SLC9C2: variants seen among roughly 807,000 people sequenced by gnomAD.
SLC9C2 encodes solute carrier family 9 member C2 (putative), also known as sodium/hydrogen exchanger 11.
In SLC9C2, 75 loss-of-function variants were observed where a neutral mutation model predicts 140.2. That is an observed-to-expected ratio of 0.53 (90% CI 0.44 to 0.65). SLC9C2 has a LOEUF of 0.65. SLC9C2 is among the 30% of genes least tolerant of loss of function. SLC9C2 has a pLI of 0.00. For synonymous variants in SLC9C2, 375 were observed against 420.9 expected, an observed-to-expected ratio of 0.89 and a Z score of 1.34; for missense variants, 1,074 against 1,331.8, an observed-to-expected ratio of 0.81 and a Z score of 3.01.
rs1488587045 is a variant in SLC9C2 at position 173,602,921 on chromosome 1, C to G, written c.-250G>C. On this transcript the variant is annotated 5_prime_UTR_variant, in exon 1 of 28. Transcript: ENST00000367714. ...CTCCTGCTATCCTCACATGTAATGA[C>G]CCTCAAATTAAGTTCTACAAATTAC... The G allele has an allele frequency of 6.6e-6, 1 of 152,174 alleles. No individual in the cohort carries two copies. Among genetic ancestry groups the G allele is most frequent in the East Asian group, 1.9e-4 (1 of 5,200 alleles). 9.4% of individuals were successfully genotyped at this position (152,174 alleles called of 1,614,324 possible).
chr1:173,589,987 A>C (rs1666064578), intron 4 of SLC9C2, among the ~76,000 whole-genome samples: 1 of 152,212 alleles, frequency 6.6e-6, no homozygotes, highest in Non-Finnish European at 1.5e-5. Context: ...TCACTCCTAC[A>C]ATCCCAGCAC....
At chr1:173,551,313 A>T (rs1291604414) in intron 11 of SLC9C2, among the ~76,000 whole-genome samples, 1 of 152,166 alleles carries the variant, frequency 6.6e-6, no homozygotes, top group Non-Finnish European at 1.5e-5. Flanking sequence ...TGGTCACAAA[A>T]ATTTCAGACA....
intron 23 of SLC9C2, among the ~76,000 whole-genome samples, chr1:173,513,059 T>C (rs1660161158): frequency 6.6e-6 from 1 of 152,256 alleles, no homozygotes; most frequent in African/African-American, 2.4e-5. Flanking sequence ...TGCCAGCATT[T>C]TATTAAGGAT....
rs777295524 is a variant in SLC9C2 at position 173,554,745 on chromosome 1, C to T, written c.1285G>A (p.Ala429Thr). The T allele has an allele frequency of 2.5e-6, 4 of 1,604,996 alleles. No homozygotes were observed. Among genetic ancestry groups the T allele is most frequent in the Non-Finnish European group, 2.6e-6 (3 of 1,171,866 alleles). ...ACACATACTTTACCTAACTTCCTGG[C>T]TGACTGAGTCATCACGTATGAATTT... ...GINSYVMTQS[A>T]RKLDLCVLSL... Residue 429 changes from alanine (A) to threonine (T), a missense_variant, in exon 11 of 28, where the codon GCC becomes ACC. By Grantham distance (58) the Ala-to-Thr change is moderately conservative. Transcript: ENST00000367714.
chr1:173,539,550 C>T (rs1662219531), intron 13 of SLC9C2, among the ~76,000 whole-genome samples: 1 of 152,124 alleles, frequency 6.6e-6, no homozygotes, highest in African/African-American at 2.4e-5. Context: ...TGTCTAGCCA[C>T]CACTGGATTC....
intron 3 of SLC9C2, among the ~76,000 whole-genome samples, chr1:173,599,026 T>G (rs1217009026): frequency 6.6e-6 from 1 of 152,260 alleles, no homozygotes; most frequent in Non-Finnish European, 1.5e-5. Context: ...ATATATTATA[T>G]GAAGCTATGA....
At chr1:173,551,858 T>C (rs899524609) in intron 11 of SLC9C2, among the ~76,000 whole-genome samples, 2 of 152,092 alleles carry the variant, frequency 1.3e-5, no homozygotes, top group Non-Finnish European at 2.9e-5. Flanking sequence ...CATCTCTCAC[T>C]TTAAATTAGA....
intron 9 of SLC9C2, among the ~76,000 whole-genome samples, chr1:173,563,871 C>T (rs978304164): frequency 6.6e-6 from 1 of 152,202 alleles, no homozygotes; most frequent in African/African-American, 2.4e-5. Flanking sequence ...TTCCCAGCCT[C>T]TGGTAACCAT....
At chr1:173,523,838 G>A (rs1423309594) in intron 21 of SLC9C2, 131 bp downstream of exon 21, 5 of 1,214,332 alleles carry the variant, frequency 4.1e-6, no homozygotes, top group Admixed American at 5.3e-5. Flanking sequence ...AGGCTTTCCT[G>A]GGCCTCCATT....
chr1:173,582,246 G>T (rs1287650872), intron 6 of SLC9C2, among the ~76,000 whole-genome samples: 1 of 152,144 alleles, frequency 6.6e-6, no homozygotes, highest in Non-Finnish European at 1.5e-5. Context: ...AGATTCAAAT[G>T]TCCTCAGGAG....
At chr1:173,528,386 T>A (rs2101974869) in intron 18 of SLC9C2, among the ~76,000 whole-genome samples, 1 of 152,140 alleles carries the variant, frequency 6.6e-6, no homozygotes, top group South Asian at 2.1e-4. Context: ...CATTCTTAAC[T>A]CCCCCCACTG....
chr1:173,582,542 C>G (rs893863295), intron 6 of SLC9C2, among the ~76,000 whole-genome samples: 2 of 152,118 alleles, frequency 1.3e-5, no homozygotes, highest in Non-Finnish European at 2.9e-5. Context: ...AATTGTCCCA[C>G]CCCAATGCCC....
chr1:173,531,210 G>C (rs1661555928), intron 17 of SLC9C2, among the ~76,000 whole-genome samples: 1 of 152,194 alleles, frequency 6.6e-6, no homozygotes, highest in Non-Finnish European at 1.5e-5. Context: ...CTGGAAAATA[G>C]TGAGTGTTCA....
intron 4 of SLC9C2, among the ~76,000 whole-genome samples, chr1:173,592,316 T>C (rs1666208959): frequency 6.6e-6 from 1 of 152,240 alleles, no homozygotes; most frequent in African/African-American, 2.4e-5. Flanking sequence ...CTTTGTTCTT[T>C]TTGCTTAGGA....
chr1:173,558,177 A>C (rs1291328489), intron 9 of SLC9C2, among the ~76,000 whole-genome samples: 1 of 152,222 alleles, frequency 6.6e-6, no homozygotes, highest in Non-Finnish European at 1.5e-5. Flanking sequence ...CCTCAAAAAA[A>C]AATATTGTGT....
At position 173,505,259 on chromosome 1, in the gene SLC9C2, T is replaced by G. The variant is rs765244002; in HGVS notation, c.3298A>C (p.Thr1100Pro). The change falls in exon 26 of 28, where the codon ACC (threonine) becomes CCC (proline). Residue 1100 changes from threonine (T) to proline (P), a missense_variant. By Grantham distance (38) the Thr-to-Pro change is conservative. Transcript: ENST00000367714. ...GTCTACCCCTTACCCATGACATTGG[T>G]GTTACTATTTCTTTGGGTAAGCTCA... The part of the protein sequence containing the change: ...ASELTQRNSN[T>P]NVMASVNTVF... The G allele has an allele frequency of 6.2e-7, 1 of 1,613,780 alleles. No individual in the cohort carries two copies. Among genetic ancestry groups the G allele is most frequent in the South Asian group, 1.1e-5 (1 of 91,058 alleles).
At chr1:173,595,241 C>A (rs546863150) in intron 4 of SLC9C2, among the ~76,000 whole-genome samples, 1 of 152,118 alleles carries the variant, frequency 6.6e-6, no homozygotes, top group Non-Finnish European at 1.5e-5. Context: ...TCTTAAGGAC[C>A]CAGGCTCTTT....
At chr1:173,588,797 G>C (rs888741675) in intron 4 of SLC9C2, among the ~76,000 whole-genome samples, 2 of 152,130 alleles carry the variant, frequency 1.3e-5, no homozygotes, top group African/African-American at 4.8e-5. Flanking sequence ...GAGGAGGCCA[G>C]GTGCAGTGGC....
Position 173,505,324 on chromosome 1 carries a change from C to G in SLC9C2, c.3233G>C (p.Gly1078Ala). ...CAGCAGCTTGCTTAAATCAGAAGTT[C>G]CCTGAACCTAGAGGAGAAAAGTCAA... is the stretch of plus-strand genomic sequence containing the variant. ...IIPTTCEQVQGTSDLSKLLII... is the reference protein window; with the variant it reads ...IIPTTCEQVQATSDLSKLLII... Residue 1078 changes from glycine to alanine, a missense_variant, in exon 26 of 28, where the codon GGA becomes GCA. Coordinates refer to ENST00000367714, the MANE Select transcript of SLC9C2 (RefSeq NM_178527.4). The G allele has an allele frequency of 6.2e-7, 1 of 1,613,922 alleles. No homozygotes were observed. The highest frequency in any genetic ancestry group is 1.3e-5 in the African/African-American group (1 of 75,038).
Sources: gnomAD v4.1 joint callset for allele counts (sites outside exome capture counted in the v4.1 genomes callset) on GRCh38, gnomAD v4.1.1 for gene constraint, MANE v1.5 for transcripts, NCBI Gene and HGNC (gene_info 2026-07-23, HGNC 2026-07-21) for gene names.